PRDM15: variants seen among roughly 807,000 people sequenced by gnomAD.
The protein encoded by PRDM15 is PR domain zinc finger protein 15.
A neutral mutation model predicts 128.6 loss-of-function variants in PRDM15; 64 were observed. That is an observed-to-expected ratio of 0.50 (90% CI 0.41 to 0.61). PRDM15 has a LOEUF of 0.61. Among genes scored for constraint, PRDM15 ranks in the 20% least tolerant of loss-of-function variants. PRDM15 has a pLI of 0.00. For missense variants in PRDM15, 1,242 were observed against 1,569.1 expected (o/e 0.79, Z 3.52); for synonymous variants, 615 against 621.8 (o/e 0.99, Z 0.16).
In PRDM15 at chr21:41,859,348, G is replaced by C. The variant is rs1489572249; in HGVS notation, c.131+244C>G. The stretch of plus-strand genomic sequence containing the variant: ...TCCACACACTGTGTCGGGAACAGCT[G>C]GGCTCCAGCTAAGAACCCTGGAGTG... On this transcript the variant is annotated intron_variant, in intron 3 of 23. Transcript: ENST00000398548. This position sits in a 1 kb window ranked among gnomAD's most constrained non-coding sequence, Gnocchi z 5.3. The C allele has an allele frequency of 1.0e-6, 1 of 952,610 alleles. No individual in the cohort carries two copies. Among genetic ancestry groups the C allele is most frequent in the African/African-American group, 1.6e-5 (1 of 61,868 alleles). 59.0% of individuals were successfully genotyped at this position (952,610 alleles called of 1,614,324 possible).
At position 41,857,435 on chromosome 21, in the gene PRDM15, G is replaced by A; in HGVS notation, c.132-106C>T. On this transcript the variant is annotated intron_variant, in intron 3 of 23. Transcript: ENST00000398548. ...CCTCACTGACCGCCAGGGTTCTTCG[G>A]AAATAAAATTCTCCAGGTGATAAAA... The A allele has an allele frequency of 5.8e-6, 7 of 1,212,182 alleles. No individual in the cohort carries two copies. In the South Asian group the frequency reaches 8.5e-5, roughly 15 times the overall value. 75.1% of individuals were successfully genotyped at this position (1,212,182 alleles called of 1,614,324 possible).
chr21:41,866,463 G>A (rs73906120), intron 1 of PRDM15, among the ~76,000 whole-genome samples: 2,388 of 152,342 alleles, frequency 0.016, 62 homozygotes, highest in African/African-American at 0.054. Context: ...TCTCCTTAGT[G>A]GCCTCCAGGG....
intron 21 of PRDM15, among the ~76,000 whole-genome samples, chr21:41,805,603 G>A (rs1020119672): frequency 2.0e-5 from 3 of 152,082 alleles, no homozygotes; most frequent in African/African-American, 7.3e-5. Context: ...GAAGACTCCA[G>A]TGTAACTCTC....
chr21:41,856,337 T>C (rs1048609626), intron 4 of PRDM15, among the ~76,000 whole-genome samples: 17 of 147,178 alleles, frequency 1.2e-4, no homozygotes, highest in African/African-American at 3.8e-4. Context: ...TGCCTTTCCT[T>C]CTTCCCCCCT....
In PRDM15 at chr21:41,821,020, G is replaced by A. The variant is rs1157501690; in HGVS notation, c.2060+47C>T. Reference sequence around the variant, plus strand: ...CATGTGTCTCTTTGCAAGGAAGCATGTCCCCTCTCTCCTGACACAACCCGG... The same window carrying A: ...CATGTGTCTCTTTGCAAGGAAGCATATCCCCTCTCTCCTGACACAACCCGG... On this transcript the variant is annotated intron_variant, in intron 16 of 23. Coordinates refer to ENST00000398548, the MANE Select transcript of PRDM15 (RefSeq NM_001040424.3). This position sits in a 1 kb window ranked among gnomAD's most constrained non-coding sequence, Gnocchi z 5.4. The A allele has an allele frequency of 1.2e-6, 2 of 1,609,340 alleles. No homozygotes were observed. Among genetic ancestry groups the A allele is most frequent in the Non-Finnish European group, 1.7e-6 (2 of 1,175,902 alleles).
rs369481306 is a variant in PRDM15, at chr21:41,854,947, G to A, written c.286-129C>T. 7 of 1,030,078 alleles carry A rather than the reference G, an allele frequency of 6.8e-6. No homozygotes were observed. The African/African-American group carries it at 1.1e-4, about 17-fold the overall frequency. The allele number at this position is 1,030,078 out of a possible 1,614,324, so 63.8% of individuals were successfully genotyped here. A position where few individuals can be genotyped will look rare whatever the true frequency, so the allele number is the denominator to read the frequency against. On this transcript the variant is annotated intron_variant, in intron 4 of 23. Coordinates refer to ENST00000398548, the MANE Select transcript of PRDM15 (RefSeq NM_001040424.3). The surrounding 1 kb of genome is among the most constrained non-coding windows in gnomAD (Gnocchi z 4.6). ...CACGTCAGAGGCCATAAGGGCTCCT[G>A]TACGGGATGTTGAGGTGTTTACAAT...
intron 8 of PRDM15, 47 bp from the exon 9 acceptor site, chr21:41,836,696 G>A: frequency 1.3e-6 from 2 of 1,523,838 alleles, no homozygotes; most frequent in Non-Finnish European, 1.8e-6. Flanking sequence ...TGGGAAAAAA[G>A]TTCCAGGTTA....
chr21:41,874,049 C>T (rs2064309632), intron 1 of PRDM15, among the ~76,000 whole-genome samples: 1 of 131,404 alleles, frequency 7.6e-6, no homozygotes, highest in Admixed American at 9.1e-5. Context: ...GCCTAGGTGA[C>T]GAAGCAAGAC....
intron 11 of PRDM15, among the ~76,000 whole-genome samples, chr21:41,829,767 CCACA>C (rs1286168841): frequency 1.3e-5 from 2 of 150,146 alleles, no homozygotes; most frequent in Admixed American, 1.3e-4. Flanking sequence ...ATTCAACACA[CCACA>C]CACATATAAT....
Position 41,810,787 on chromosome 21 carries a change from C to A in PRDM15, c.2442G>T (p.Arg814Ser). 2 of 1,614,150 alleles carry A rather than the reference C, an allele frequency of 1.2e-6. No homozygotes were observed. Among genetic ancestry groups the A allele is most frequent in the Non-Finnish European group, 1.7e-6 (2 of 1,180,032 alleles). Residue 814 changes from arginine (R) to serine (S), a missense_variant, in exon 20 of 24, where the codon AGG (arginine) becomes AGT (serine). This residue lies in a region of PRDM15 where 602 missense variants were observed against 788.3 expected (regional missense o/e 0.76). Coordinates refer to ENST00000398548, the MANE Select transcript of PRDM15 (RefSeq NM_001040424.3). The surrounding 1 kb of genome is among the most constrained non-coding windows in gnomAD (Gnocchi z 6.4). ...CELCGKTFSE[R>S]NTMETHKLIH... ...TGAGCTTGTGGGTCTCCATGGTGTT[C>A]CTCTCGCTGAATGTCTTCCCACACA...
At chr21:41,847,598 C>A (rs7275637) in intron 5 of PRDM15, among the ~76,000 whole-genome samples, 90,846 of 151,940 alleles carry the variant, frequency 0.6, 27,400 homozygotes, top group Admixed American at 0.68. Context: ...AGTGGAACCC[C>A]AAACGGCCAG....
At chr21:41,808,435 G>A (rs1050674123) in intron 21 of PRDM15, among the ~76,000 whole-genome samples, 9 of 152,208 alleles carry the variant, frequency 5.9e-5, no homozygotes, top group East Asian at 1.9e-4. Flanking sequence ...GAGCCTGATC[G>A]GGCTGCAGAG....
intron 2 of PRDM15, 100 bp downstream of exon 2, chr21:41,860,227 A>T (rs2063768264): frequency 2.4e-6 from 2 of 840,596 alleles, no homozygotes; most frequent in Non-Finnish European, 2.0e-6. Flanking sequence ...TAAAAACCAA[A>T]TGTAGACGTG....
chr21:41,810,069 A>G lies in PRDM15; in HGVS notation c.2652+85T>C. On this transcript the variant is annotated intron_variant, in intron 21 of 23. Transcript: ENST00000398548. This position sits in a 1 kb window ranked among gnomAD's most constrained non-coding sequence, Gnocchi z 6.4. ...TGCCTCCAGTACTGGGGGTCTGCAGAGGGAGGTGGGCCATGTGCCAGCATG... is the reference window on the plus strand; with the variant it reads ...TGCCTCCAGTACTGGGGGTCTGCAGGGGGAGGTGGGCCATGTGCCAGCATG... The G allele has an allele frequency of 7.3e-7, 1 of 1,369,740 alleles. No homozygotes were observed. Among genetic ancestry groups the G allele is most frequent in the Non-Finnish European group, 1.0e-6 (1 of 997,912 alleles). 84.8% of individuals were successfully genotyped at this position (1,369,740 alleles called of 1,614,324 possible). A position where few individuals can be genotyped will look rare whatever the true frequency, so the allele number is the denominator to read the frequency against.
At chr21:41,823,983 C>T (rs1601223824) in intron 13 of PRDM15, among the ~76,000 whole-genome samples, 1 of 152,182 alleles carries the variant, frequency 6.6e-6, no homozygotes, top group Non-Finnish European at 1.5e-5. Flanking sequence ...CTGGGGTTGG[C>T]GCTGGGTGGT....
At position 41,854,652 on chromosome 21, in the gene PRDM15, C is replaced by G. The variant is rs774544030; in HGVS notation, c.452G>C (p.Gly151Ala). The change falls in exon 5 of 24, where the codon GGT becomes GCT. Residue 151 changes from glycine (G) to alanine (A), a missense_variant. Physicochemically the swap from Gly to Ala is moderately conservative, Grantham distance 60. Coordinates refer to ENST00000398548, the MANE Select transcript of PRDM15 (RefSeq NM_001040424.3). The surrounding 1 kb of genome is among the most constrained non-coding windows in gnomAD (Gnocchi z 4.6). ...CGCATACCACACGCGCAGCTCGGTA[C>G]CCGGGGGGATGTCTCTGGAGGTGGT... ...YFTTSRDIPP[G>A]TELRVWYAAF... 1 of 1,613,782 alleles carries G rather than the reference C, an allele frequency of 6.2e-7. No homozygotes were observed. The highest frequency in any genetic ancestry group is 8.5e-7 in the Non-Finnish European group (1 of 1,179,990).
rs375233398 is a variant in PRDM15, at chr21:41,802,940, C to T, written c.2734-19G>A. ...GCTCAGGCTGCAGAAAAATCGGTTTCAGCCGAGAACCAGGTTAGTCGGTCA... is the reference window on the plus strand; with the variant it reads ...GCTCAGGCTGCAGAAAAATCGGTTTTAGCCGAGAACCAGGTTAGTCGGTCA... On this transcript the variant is annotated intron_variant, in intron 22 of 23. Coordinates refer to ENST00000398548, the MANE Select transcript of PRDM15 (RefSeq NM_001040424.3). 2.0e-5 allele frequency: 32 copies of T among 1,609,864 alleles called. No individual in the cohort carries two copies. The highest frequency in any genetic ancestry group is 3.3e-4 in the Middle Eastern group (2 of 6,024).
intron 5 of PRDM15, among the ~76,000 whole-genome samples, chr21:41,849,486 C>T (rs942592949): frequency 2.6e-5 from 4 of 151,492 alleles, no homozygotes; most frequent in African/African-American, 9.7e-5. Flanking sequence ...GAGAATTGCT[C>T]GAACTCGGGA....
intron 7 of PRDM15, among the ~76,000 whole-genome samples, chr21:41,839,120 G>A (rs147254517): frequency 5.3e-5 from 8 of 152,316 alleles, no homozygotes; most frequent in African/African-American, 1.9e-4. Flanking sequence ...ACAATCAAAG[G>A]ATGAGCCCTA....
Sources: allele counts gnomAD v4.1 joint callset (sites outside exome capture counted in the v4.1 genomes callset), GRCh38; gene constraint gnomAD v4.1.1; regional missense constraint gnomAD v4.1.1; non-coding constraint Gnocchi (gnomAD v3.1); transcripts MANE v1.5; gene names NCBI Gene and HGNC (gene_info 2026-07-23, HGNC 2026-07-21).